TTC28: variants seen among roughly 807,000 people sequenced by gnomAD.
TTC28 encodes the protein tetratricopeptide repeat domain 28, also known as tetratricopeptide repeat protein 28.
A neutral mutation model predicts 198.0 loss-of-function variants in TTC28; 61 were observed. The ratio of observed to expected loss-of-function variants is 0.31; its 90% CI spans 0.25 to 0.38. The LOEUF (loss-of-function observed/expected upper bound fraction) is 0.38. Among genes scored for constraint, TTC28 ranks in the 10% least tolerant of loss-of-function variants. The pLI, the probability that TTC28 is intolerant of heterozygous loss-of-function variation, is 1.00. For synonymous variants in TTC28, 1,171 were observed against 1,297.8 expected (o/e 0.90, Z 2.10); for missense variants, 2,678 against 3,164.0 (o/e 0.85, Z 3.69).
chr22:28,642,686 C>T (rs1056538800), intron 1 of TTC28, among the ~76,000 whole-genome samples: 1 of 152,218 alleles, frequency 6.6e-6, no homozygotes, highest in African/African-American at 2.4e-5. Flanking sequence ...CAATAAGGAC[C>T]AGGCATGTTT....
chr22:28,601,942 G>A (rs370370495), intron 2 of TTC28, among the ~76,000 whole-genome samples: 5 of 152,160 alleles, frequency 3.3e-5, no homozygotes, highest in African/African-American at 1.2e-4. Context: ...GAGACACCTG[G>A]CACAAGGATC....
intron 5 of TTC28, among the ~76,000 whole-genome samples, chr22:28,213,882 G>C (rs185659150): frequency 6.5e-4 from 99 of 152,174 alleles, no homozygotes; most frequent in Admixed American, 2.1e-3. Context: ...TCAAACTATA[G>C]TACAAGGCTA....
chr22:28,152,009 C>G (rs962923871), intron 6 of TTC28, among the ~76,000 whole-genome samples: 7 of 152,076 alleles, frequency 4.6e-5, no homozygotes, highest in African/African-American at 1.4e-4. Context: ...AGGGGGCCCG[C>G]AGGCTGTAGC....
At chr22:28,085,892 A>G (rs976417927) in intron 12 of TTC28, among the ~76,000 whole-genome samples, 1 of 152,172 alleles carries the variant, frequency 6.6e-6, no homozygotes, top group Non-Finnish European at 1.5e-5. Context: ...CTTTAAACCA[A>G]CAAAGATCAA....
intron 2 of TTC28, among the ~76,000 whole-genome samples, chr22:28,590,025 A>G (rs2050395218): frequency 7.3e-6 from 1 of 137,144 alleles, no homozygotes; most frequent in Non-Finnish European, 1.6e-5. Context: ...CAACAGAACA[A>G]GACTCCATCA....
chr22:28,153,416 A>C (rs1238459108), intron 6 of TTC28, among the ~76,000 whole-genome samples: 1 of 150,802 alleles, frequency 6.6e-6, no homozygotes, highest in East Asian at 1.9e-4. Context: ...AAAAAAAAAA[A>C]AACCTTCGTT....
chr22:28,481,938 A>G (rs929639389), intron 2 of TTC28, among the ~76,000 whole-genome samples: 1 of 152,208 alleles, frequency 6.6e-6, no homozygotes, highest in African/African-American at 2.4e-5. Context: ...AGTCAGCCCC[A>G]TGGGAAGGAA....
chr22:28,073,967 C>A (rs1002869666), intron 12 of TTC28, among the ~76,000 whole-genome samples: 2 of 152,142 alleles, frequency 1.3e-5, no homozygotes, highest in Non-Finnish European at 2.9e-5. Context: ...GGAGGAAAAC[C>A]TGGACAGTAC....
intron 2 of TTC28, among the ~76,000 whole-genome samples, chr22:28,401,214 TGACGATGACGAC>T (rs1038102215): frequency 2.5e-4 from 37 of 149,712 alleles, no homozygotes; most frequent in East Asian, 2.3e-3. Flanking sequence ...AGGATGACGA[TGACGATGACGAC>T]GACGATGACG....
At chr22:28,101,811 A>AAG (rs1439635571) in intron 8 of TTC28, among the ~76,000 whole-genome samples, 17 of 113,344 alleles carry the variant, frequency 1.5e-4, no homozygotes, top group African/African-American at 5.4e-4. Flanking sequence ...AAAAAAAAAA[A>AAG]AGAATACTAA....
intron 2 of TTC28, among the ~76,000 whole-genome samples, chr22:28,310,157 CACACACACACACACACAA>C (rs761364562): frequency 1.4e-4 from 19 of 133,356 alleles, no homozygotes; most frequent in Admixed American, 4.6e-4. Context: ...CACACACACA[CACACACACACACACACAA>C]AAAACAAGAC....
chr22:28,146,412 G>C (rs570431272), intron 6 of TTC28, among the ~76,000 whole-genome samples: 1 of 152,348 alleles, frequency 6.6e-6, no homozygotes, highest in East Asian at 1.9e-4. Flanking sequence ...CTGACACAAA[G>C]AGGATGTCTT....
chr22:28,519,396 G>C (rs910787029), intron 2 of TTC28, among the ~76,000 whole-genome samples: 3 of 152,132 alleles, frequency 2.0e-5, no homozygotes, highest in African/African-American at 4.8e-5. Flanking sequence ...ACTAACAAAT[G>C]GTTTGCAGGA....
intron 6 of TTC28, among the ~76,000 whole-genome samples, chr22:28,117,288 G>A (rs1942658987): frequency 6.6e-6 from 1 of 152,150 alleles, no homozygotes; most frequent in South Asian, 2.1e-4. Context: ...CCTGTGGTAG[G>A]CTTTGTATGA....
intron 2 of TTC28, among the ~76,000 whole-genome samples, chr22:28,589,315 G>A (rs1030463966): frequency 6.6e-6 from 1 of 152,194 alleles, no homozygotes; most frequent in Non-Finnish European, 1.5e-5. Context: ...AGTCACTCAT[G>A]TTTAAGTTCC....
intron 6 of TTC28, among the ~76,000 whole-genome samples, chr22:28,141,226 G>A (rs1473719334): frequency 6.6e-6 from 1 of 152,120 alleles, no homozygotes; most frequent in Non-Finnish European, 1.5e-5. Context: ...TGTCAGCCTG[G>A]CTCCCTCCTT....
At chr22:28,176,354 GA>G (rs918285115) in intron 5 of TTC28, among the ~76,000 whole-genome samples, 144 of 148,858 alleles carry the variant, frequency 9.7e-4, no homozygotes, top group Middle Eastern at 6.9e-3. Context: ...TGTGGAATCT[GA>G]AAAAAAAAAG....
intron 12 of TTC28, among the ~76,000 whole-genome samples, chr22:28,046,469 G>T (rs139810138): frequency 0.016 from 2,410 of 152,282 alleles, 73 homozygotes; most frequent in African/African-American, 0.055. Context: ...CATAGAAAAG[G>T]TACAGTATAA....
intron 12 of TTC28, among the ~76,000 whole-genome samples, chr22:28,042,734 A>G (rs1939700727): frequency 6.6e-6 from 1 of 151,976 alleles, no homozygotes; most frequent in African/African-American, 2.4e-5. Flanking sequence ...AAAAAAAAAA[A>G]AGAAAAGAGC....
Sources: gnomAD v4.1 joint callset for allele counts (sites outside exome capture counted in the v4.1 genomes callset) on GRCh38, gnomAD v4.1.1 for gene constraint, MANE v1.5 for transcripts, NCBI Gene and HGNC (gene_info 2026-07-23, HGNC 2026-07-21) for gene names.